KIF11: variants seen among roughly 807,000 people sequenced by gnomAD.
The protein encoded by KIF11 is kinesin-like protein KIF11.
KIF11 carries 9 observed loss-of-function variants against 121.0 expected under a neutral mutation model. The observed-to-expected ratio is 0.07, with a 90% confidence interval of 0.04 to 0.13. KIF11 has a LOEUF of 0.13. Among genes scored for constraint, KIF11 ranks in the 10% least tolerant of loss-of-function variants. The pLI, the probability that KIF11 is intolerant of heterozygous loss-of-function variation, is 1.00. For synonymous variants in KIF11, 408 were observed against 421.0 expected (o/e 0.97, Z 0.38); for missense variants, 846 against 1,217.5 (o/e 0.69, Z 4.54).
At chr10:92,621,558 G>A in intron 10 of KIF11, 85 bp downstream of exon 10, 1 of 782,166 alleles carries the variant, frequency 1.3e-6, no homozygotes, top group Non-Finnish European at 2.2e-6. Context: ...GTAGCAGTAA[G>A]TAAAATCTTT....
At chr10:92,637,582 G>C (rs1844821012) in intron 16 of KIF11, 37 bp downstream of exon 16, 2 of 1,561,476 alleles carry the variant, frequency 1.3e-6, no homozygotes, top group Non-Finnish European at 1.7e-6. Context: ...TACAGAAAGA[G>C]AGTTTTAGGA....
In KIF11 at chr10:92,640,008, CTTT is replaced by C. The variant is rs1298398580; in HGVS notation, c.2267+110_2267+112del. 1.5e-5 allele frequency: 9 copies of C among 587,418 alleles called. No homozygotes were observed. In the East Asian group the frequency reaches 2.7e-4, roughly 18 times the overall value. 36.4% of individuals were successfully genotyped at this position (587,418 alleles called of 1,614,324 possible). A position where few individuals can be genotyped will look rare whatever the true frequency, so the allele number is the denominator to read the frequency against. On this transcript the variant is annotated intron_variant, in intron 17 of 21. Coordinates refer to ENST00000260731, the MANE Select transcript of KIF11 (RefSeq NM_004523.4). ...TTCCTCTGTGTACTTTCAAATTTCT[CTTT>C]TGTTAATATTTTATTATGTATGTGT...
chr10:92,609,388 G>A lies in KIF11; in HGVS notation c.577G>A (p.Gly193Arg). Residue 193 changes from glycine to arginine, a missense_variant, in exon 6 of 22, where the codon GGA becomes AGA. By Grantham distance (125) the Gly-to-Arg change is moderately radical (BLOSUM62 -2). Transcript: ENST00000260731. ...GTTCTTTTGGTATTTTGGTCAGAGA[G>A]GAGTGATAATTAAAGGTTTAGAAGA... is the stretch of plus-strand genomic sequence containing the variant. ...QMFDDPRNKRGVIIKGLEEIT... is the reference protein window; with the variant it reads ...QMFDDPRNKRRVIIKGLEEIT... 1 of 1,612,382 alleles carries A rather than the reference G, an allele frequency of 6.2e-7. No homozygotes were observed. Among genetic ancestry groups the A allele is most frequent in the Non-Finnish European group, 8.5e-7 (1 of 1,179,586 alleles).
At position 92,648,449 on chromosome 10, in the gene KIF11, A is replaced by G; in HGVS notation, c.2770+15A>G. The G allele has an allele frequency of 6.7e-7, 1 of 1,502,154 alleles. No homozygotes were observed. The highest frequency in any genetic ancestry group is 1.2e-5 in the South Asian group (1 of 80,750). The allele number at this position is 1,502,154 out of a possible 1,614,324, so 93.1% of individuals were successfully genotyped here. ...TATCCCAACAGGTACTTTAAAAGAGAAATAGAATTGTTAAATTTTTTGAAG... is the reference window on the plus strand; with the variant it reads ...TATCCCAACAGGTACTTTAAAAGAGGAATAGAATTGTTAAATTTTTTGAAG... On this transcript the variant is annotated intron_variant, in intron 19 of 21. Transcript: ENST00000260731.
At chr10:92,635,613 T>C (rs1189735296) in intron 14 of KIF11, among the ~76,000 whole-genome samples, 3 of 152,122 alleles carry the variant, frequency 2.0e-5, no homozygotes, top group Non-Finnish European at 2.9e-5. Context: ...TCACAGTGTA[T>C]AATGAAAAAG....
chr10:92,609,042 C>T lies in KIF11; in HGVS notation c.410C>T (p.Pro137Leu). Residue 137 changes from proline to leucine, a missense_variant, in exon 5 of 22, where the codon CCA becomes CTA. Pro to Leu is a moderately conservative substitution (Grantham distance 98). Transcript: ENST00000260731. ...CAGGATCCCTTGGCTGGTATAATTC[C>T]ACGTACCCTTCATCAAATTTTTGAG... ...WEEDPLAGII[P>L]RTLHQIFEKL... 6.3e-7 allele frequency: 1 copy of T among 1,579,666 alleles called. No homozygotes were observed.
At chr10:92,651,993 T>TAG (rs1301155380) in intron 21 of KIF11, among the ~76,000 whole-genome samples, 1 of 138,056 alleles carries the variant, frequency 7.2e-6, no homozygotes, top group Non-Finnish European at 1.5e-5. Context: ...TAAATATATA[T>TAG]AGAGAGAGGG....
At chr10:92,631,321 T>C (rs1844736386) in intron 12 of KIF11, among the ~76,000 whole-genome samples, 1 of 151,098 alleles carries the variant, frequency 6.6e-6, no homozygotes, top group African/African-American at 2.4e-5. Flanking sequence ...GAATTTAGTA[T>C]GTTCTGATGA....
At chr10:92,598,838 C>A (rs1366287313) in intron 1 of KIF11, among the ~76,000 whole-genome samples, 1 of 152,106 alleles carries the variant, frequency 6.6e-6, no homozygotes, top group Non-Finnish European at 1.5e-5. Context: ...AGTGCAGTGG[C>A]ACAATCTTAG....
In KIF11 at chr10:92,653,728, G is replaced by A; in HGVS notation, c.3103G>A (p.Val1035Met). Residue 1035 changes from valine to methionine, a missense_variant, in exon 22 of 22, where the codon GTG (valine) becomes ATG (methionine). This residue lies in a region of KIF11 where 492 missense variants were observed against 603.4 expected (regional missense o/e 0.82). Coordinates refer to ENST00000260731, the MANE Select transcript of KIF11 (RefSeq NM_004523.4). ...CATTAACACACTGGAGAGGTCTAAA[G>A]TGGAAGAAACTACAGAGCACTTGGT... ...RGINTLERSK[V>M]EETTEHLVTK... is the part of the protein sequence containing the mutation. 1 of 1,613,610 alleles carries A rather than the reference G, an allele frequency of 6.2e-7. No homozygotes were observed. The highest frequency in any genetic ancestry group is 8.5e-7 in the Non-Finnish European group (1 of 1,179,546).
At chr10:92,630,502 T>C in intron 12 of KIF11, 138 bp downstream of exon 12, 2 of 484,812 alleles carry the variant, frequency 4.1e-6, no homozygotes, top group Non-Finnish European at 7.0e-6. Flanking sequence ...ATTTTACTAT[T>C]TCATCCATGT....
chr10:92,630,896 CA>C, intron 12 of KIF11, among the ~76,000 whole-genome samples: 1 of 141,662 alleles, frequency 7.1e-6, no homozygotes, highest in African/African-American at 2.6e-5. Context: ...GAAAATAGAA[CA>C]TAACTTTATA....
intron 6 of KIF11, among the ~76,000 whole-genome samples, chr10:92,611,439 C>T (rs1844494798): frequency 6.6e-6 from 1 of 151,822 alleles, no homozygotes; most frequent in Admixed American, 6.6e-5. Context: ...GTCTCGATCT[C>T]CTGACCTCGT....
intron 18 of KIF11, among the ~76,000 whole-genome samples, chr10:92,647,805 G>A (rs762572900): frequency 2.6e-5 from 4 of 152,116 alleles, no homozygotes; most frequent in Non-Finnish European, 4.4e-5. Flanking sequence ...CTCTACTTTT[G>A]TATGTGTTTT....
At chr10:92,623,174 C>A (rs1045768435) in intron 10 of KIF11, among the ~76,000 whole-genome samples, 1 of 152,196 alleles carries the variant, frequency 6.6e-6, no homozygotes, top group Non-Finnish European at 1.5e-5. Context: ...ACAGAACTAT[C>A]CTATCATCAC....
chr10:92,605,839 T>G (rs1844425016), intron 1 of KIF11, among the ~76,000 whole-genome samples: 1 of 152,034 alleles, frequency 6.6e-6, no homozygotes, highest in Admixed American at 6.6e-5. Context: ...AAGTTTGGCA[T>G]TTTTACAAGT....
intron 1 of KIF11, among the ~76,000 whole-genome samples, chr10:92,598,230 G>GCAA (rs1446596541): frequency 1.3e-5 from 2 of 152,132 alleles, no homozygotes; most frequent in Non-Finnish European, 2.9e-5. Context: ...TATAGCTTTA[G>GCAA]GTCTTACATA....
intron 10 of KIF11, among the ~76,000 whole-genome samples, chr10:92,622,751 T>C (rs930605936): frequency 2.0e-5 from 3 of 152,274 alleles, no homozygotes; most frequent in Admixed American, 6.5e-5. Context: ...CACCTGAGAC[T>C]GGGTAATTTA....
chr10:92,600,965 G>C (rs955155470), intron 1 of KIF11, among the ~76,000 whole-genome samples: 35 of 147,482 alleles, frequency 2.4e-4, no homozygotes, highest in African/African-American at 8.8e-4. Context: ...GGTTCAAGCA[G>C]TTCTCTGCCT....
Sources: gnomAD v4.1 joint callset for allele counts (sites outside exome capture counted in the v4.1 genomes callset) on GRCh38, gnomAD v4.1.1 for gene constraint, gnomAD v4.1.1 regional missense constraint, MANE v1.5 for transcripts, NCBI Gene and HGNC (gene_info 2026-07-23, HGNC 2026-07-21) for gene names.